SERGEF: variants seen among roughly 807,000 people sequenced by gnomAD.
SERGEF encodes the protein secretion-regulating guanine nucleotide exchange factor.
In SERGEF, 51 loss-of-function variants were observed where a neutral mutation model predicts 50.0. The ratio of observed to expected loss-of-function variants is 1.02; its 90% CI spans 0.81 to 1.29. The LOEUF (loss-of-function observed/expected upper bound fraction) is 1.29, where lower values mean the gene tolerates loss of function less well. Ranked by LOEUF, SERGEF falls within the 50% of genes most tolerant of loss-of-function variation. The pLI is 0.00. For missense variants in SERGEF, 521 were observed against 557.0 expected (o/e 0.94, Z 0.65); for synonymous variants, 205 against 212.4 (o/e 0.97, Z 0.30).
At chr11:17,933,636 T>C (rs1192703847) in intron 9 of SERGEF, among the ~76,000 whole-genome samples, 1 of 152,012 alleles carries the variant, frequency 6.6e-6, no homozygotes, top group Non-Finnish European at 1.5e-5. Flanking sequence ...TATGAGACAG[T>C]ATCTATATTC....
At chr11:17,894,377 T>G (rs1317913865) in intron 9 of SERGEF, among the ~76,000 whole-genome samples, 1 of 152,226 alleles carries the variant, frequency 6.6e-6, no homozygotes, top group Non-Finnish European at 1.5e-5. Context: ...ATCCACATTT[T>G]ATAGATTAAC....
chr11:17,904,219 T>C (rs563503520), intron 9 of SERGEF, among the ~76,000 whole-genome samples: 7 of 152,352 alleles, frequency 4.6e-5, no homozygotes, highest in East Asian at 1.9e-4. Flanking sequence ...AGTAGGAACA[T>C]TGGCCACAGC....
At position 17,858,995 on chromosome 11, in the gene SERGEF, G is replaced by A. The variant is rs565198977; in HGVS notation, c.1048+19213C>T. On this transcript the variant is annotated intron_variant, in intron 10 of 10. Transcript: ENST00000265965. ...CTGAGATCTGCCGTTCCTCTCATTA[G>A]CTGAACCCAACCAGAAGCCAGAGGG... Among the ~76,000 whole-genome samples, 3 of 152,196 alleles carry A rather than the reference G, an allele frequency of 2.0e-5. No individual in the cohort carries two copies. In the East Asian group the frequency reaches 5.8e-4, roughly 29 times the overall value.
At chr11:17,872,858 T>C (rs1851167914) in intron 10 of SERGEF, among the ~76,000 whole-genome samples, 1 of 151,976 alleles carries the variant, frequency 6.6e-6, no homozygotes, top group Non-Finnish European at 1.5e-5. Flanking sequence ...CCCAGAAAAA[T>C]TGTTGAGAAA....
At chr11:18,004,939 T>C (rs1854043301) in intron 3 of SERGEF, among the ~76,000 whole-genome samples, 3 of 152,198 alleles carry the variant, frequency 2.0e-5, no homozygotes, top group Admixed American at 2.0e-4. Flanking sequence ...CTGGTGAGTT[T>C]AGGAGATGGG....
At chr11:17,985,923 A>G (rs532279029) in intron 8 of SERGEF, among the ~76,000 whole-genome samples, 9 of 152,190 alleles carry the variant, frequency 5.9e-5, no homozygotes, top group Non-Finnish European at 1.3e-4. Context: ...CTGCCCTTGC[A>G]TTGTAGGATG....
At chr11:17,863,033 T>C (rs1322285920) in intron 10 of SERGEF, among the ~76,000 whole-genome samples, 3 of 152,224 alleles carry the variant, frequency 2.0e-5, no homozygotes, top group African/African-American at 7.2e-5. Flanking sequence ...GTCAAACCTC[T>C]GCAGGGAGCA....
intron 10 of SERGEF, among the ~76,000 whole-genome samples, chr11:17,865,391 T>C (rs1851002375): frequency 6.6e-6 from 1 of 152,196 alleles, no homozygotes; most frequent in African/African-American, 2.4e-5. Flanking sequence ...CTTCTACTTA[T>C]CTTTTTTTTA....
chr11:17,998,831 G>A (rs1321053428), intron 5 of SERGEF, among the ~76,000 whole-genome samples: 6 of 143,036 alleles, frequency 4.2e-5, no homozygotes, highest in African/African-American at 7.7e-5. Context: ...TACAGGCCAG[G>A]AAAAAAAAAA....
At chr11:17,900,257 C>T (rs1423816512) in intron 9 of SERGEF, among the ~76,000 whole-genome samples, 1 of 152,104 alleles carries the variant, frequency 6.6e-6, no homozygotes, top group Non-Finnish European at 1.5e-5. Context: ...CTCAGTTTCC[C>T]CACCTAAAAA....
chr11:17,992,833 G>T, intron 7 of SERGEF, 98 bp downstream of exon 7: 1 of 1,081,402 alleles, frequency 9.2e-7, no homozygotes, highest in Non-Finnish European at 1.4e-6. Context: ...TAGCTCCAAA[G>T]TCTATGACAT....
At chr11:17,898,044 T>C (rs1480903016) in intron 9 of SERGEF, among the ~76,000 whole-genome samples, 2 of 152,234 alleles carry the variant, frequency 1.3e-5, no homozygotes, top group African/African-American at 4.8e-5. Flanking sequence ...CATTTAATAA[T>C]ATGTCCCATT....
intron 9 of SERGEF, among the ~76,000 whole-genome samples, chr11:17,958,759 G>A (rs940652328): frequency 6.6e-6 from 1 of 152,160 alleles, no homozygotes; most frequent in Admixed American, 6.5e-5. Flanking sequence ...TTTTCAAGCT[G>A]TTGTGCACAC....
intron 8 of SERGEF, among the ~76,000 whole-genome samples, chr11:17,963,699 T>C (rs182954479): frequency 1.9e-4 from 29 of 152,316 alleles, no homozygotes; most frequent in African/African-American, 6.7e-4. Flanking sequence ...ATTAGTAAAA[T>C]ATTTTTTAAC....
intron 10 of SERGEF, among the ~76,000 whole-genome samples, chr11:17,868,783 G>T (rs1050328881): frequency 1.3e-5 from 2 of 152,162 alleles, no homozygotes; most frequent in Non-Finnish European, 2.9e-5. Context: ...CATCTTACAT[G>T]GATGGTGGCA....
At chr11:17,833,397 G>A (rs1159295623) in intron 10 of SERGEF, among the ~76,000 whole-genome samples, 1 of 152,244 alleles carries the variant, frequency 6.6e-6, no homozygotes, top group Non-Finnish European at 1.5e-5. Context: ...TGCCCAGGCA[G>A]AAGTTTGCTG....
At chr11:17,988,137 T>A (rs563885257) in intron 8 of SERGEF, among the ~76,000 whole-genome samples, 277 of 152,332 alleles carry the variant, frequency 1.8e-3, no homozygotes, top group African/African-American at 6.4e-3. Flanking sequence ...ACACATAGTT[T>A]ATTAGGTCAA....
chr11:18,000,552 A>G lies in SERGEF; in HGVS notation c.453T>C (p.His151=). ...CAGCAATACAAACAACCTTCTCTTTATGGAGCTGTCAAAATAAAGAAAAGG... is the reference window on the plus strand; with the variant it reads ...CAGCAATACAAACAACCTTCTCTTTGTGGAGCTGTCAAAATAAAGAAAAGG... ...RCVVPQAIEL[H]KEKVVCIAAG... Residue 151 remains histidine, a synonymous_variant, in exon 5 of 11, where the codon CAT becomes CAC. Transcript: ENST00000265965. 1.3e-6 allele frequency: 2 copies of G among 1,584,428 alleles called. No homozygotes were observed. Among genetic ancestry groups the G allele is most frequent in the South Asian group, 2.4e-5 (2 of 84,872 alleles).
intron 10 of SERGEF, chr11:17,854,737 G>C (rs1434817326): frequency 6.6e-6 from 1 of 152,160 alleles, no homozygotes; most frequent in East Asian, 1.9e-4. Flanking sequence ...GACACACTCT[G>C]TCTTTGAAAC....
Sources: allele counts gnomAD v4.1 joint callset (sites outside exome capture counted in the v4.1 genomes callset), GRCh38; gene constraint gnomAD v4.1.1; transcripts MANE v1.5; gene names NCBI Gene and HGNC (gene_info 2026-07-23, HGNC 2026-07-21).